The following RBFOX1 variants were observed in gnomAD, a reference collection of about 807,000 sequenced individuals.
RBFOX1 encodes RNA binding fox-1 homolog 1.
Under a neutral mutation model 57.7 loss-of-function variants are expected in RBFOX1, and 8 were observed. The observed-to-expected ratio is 0.14, with a 90% CI of 0.08 to 0.25. The LOEUF is 0.25. Ranked by LOEUF, RBFOX1 falls within the 10% of genes least tolerant of loss-of-function variation. RBFOX1 has a pLI of 1.00. For missense variants in RBFOX1, 611 were observed against 548.5 expected (o/e 1.11, Z -1.14); for synonymous variants, 326 against 222.4 (o/e 1.47, Z -4.15).
intron 1 of RBFOX1, among the ~76,000 whole-genome samples, chr16:6,068,672 G>C (rs777771302): frequency 1.6e-4 from 24 of 152,180 alleles, no homozygotes; most frequent in Non-Finnish European, 3.5e-4. Context: ...AGGCTGCAGA[G>C]GAAGGTCTTC....
chr16:5,765,532 G>A (rs1409673460), intron 3 of RBFOX1, among the ~76,000 whole-genome samples: 2 of 152,212 alleles, frequency 1.3e-5, no homozygotes, highest in East Asian at 1.9e-4. Flanking sequence ...CTAATTCATG[G>A]CTGAATACCT....
At chr16:6,830,499 C>G (rs1163039439) in intron 3 of RBFOX1, among the ~76,000 whole-genome samples, 2 of 152,110 alleles carry the variant, frequency 1.3e-5, no homozygotes, top group East Asian at 1.9e-4. Flanking sequence ...GCCAGGAGTT[C>G]TCAACTGAGA....
intron 4 of RBFOX1, among the ~76,000 whole-genome samples, chr16:7,392,279 C>T (rs961679432): frequency 6.6e-6 from 1 of 152,106 alleles, no homozygotes. Context: ...CCCTGTAGTC[C>T]CCTTGTATAG....
intron 2 of RBFOX1, chr16:6,484,003 C>G (rs914219132): frequency 3.1e-6 from 3 of 952,764 alleles, no homozygotes; most frequent in Admixed American, 5.4e-5. Flanking sequence ...GGTCTGGACA[C>G]TTGGAGAGGG....
At chr16:7,410,293 T>G (rs571365600) in intron 4 of RBFOX1, among the ~76,000 whole-genome samples, 1 of 152,236 alleles carries the variant, frequency 6.6e-6, no homozygotes, top group Non-Finnish European at 1.5e-5. Context: ...GATACTGTTA[T>G]TGCTCTCACT....
At chr16:6,845,154 T>G (rs565652258) in intron 3 of RBFOX1, among the ~76,000 whole-genome samples, 251 of 152,246 alleles carry the variant, frequency 1.6e-3, no homozygotes, top group African/African-American at 5.7e-3. Context: ...GGTAGTTTCT[T>G]TTTCTGCACA....
chr16:7,394,985 C>A (rs1389709132), intron 4 of RBFOX1, among the ~76,000 whole-genome samples: 1 of 152,064 alleles, frequency 6.6e-6, no homozygotes, highest in Non-Finnish European at 1.5e-5. Flanking sequence ...AGCCTGTGTA[C>A]GTGCTGAGGA....
intron 4 of RBFOX1, among the ~76,000 whole-genome samples, chr16:7,339,968 C>T (rs1031671055): frequency 1.3e-5 from 2 of 152,304 alleles, no homozygotes; most frequent in Middle Eastern, 3.4e-3. Flanking sequence ...TTCTTGGCAA[C>T]TCCAAGCTTA....
intron 3 of RBFOX1, among the ~76,000 whole-genome samples, chr16:6,707,712 T>G (rs2063013342): frequency 6.6e-6 from 1 of 152,196 alleles, no homozygotes; most frequent in Non-Finnish European, 1.5e-5. Context: ...CCTCCCAGTT[T>G]CTGCTCCATA....
intron 1 of RBFOX1, among the ~76,000 whole-genome samples, chr16:5,326,754 C>G (rs1407595990): frequency 6.6e-6 from 1 of 152,192 alleles, no homozygotes; most frequent in East Asian, 1.9e-4. Context: ...ATGATGATGT[C>G]TGGCAATGAA....
At chr16:5,876,042 G>T (rs1404730901) in intron 4 of RBFOX1, among the ~76,000 whole-genome samples, 2 of 151,892 alleles carry the variant, frequency 1.3e-5, no homozygotes, top group African/African-American at 2.4e-5. Context: ...AAGGGGTTTC[G>T]CCGTGTTAGC....
chr16:7,398,022 G>A lies in RBFOX1; in HGVS notation c.28-120125G>A, dbSNP rs185318873. On this transcript the variant is annotated intron_variant, in intron 4 of 15. Transcript: ENST00000550418. ...TCCCTTACGGCCGTTAGTGGATTAA[G>A]CGATATCCTCAGAGCAACTGTTTGG... Among the ~76,000 whole-genome samples the A allele has an allele frequency of 1.7e-3, 258 of 151,812 alleles. 3 individuals carry two copies. The highest frequency in any genetic ancestry group is 3.4e-3 in the Middle Eastern group (1 of 294).
chr16:5,498,808 A>G (rs2043090962), intron 2 of RBFOX1, among the ~76,000 whole-genome samples: 2 of 152,206 alleles, frequency 1.3e-5, no homozygotes, highest in Non-Finnish European at 2.9e-5. Flanking sequence ...CCCTGCACCC[A>G]TCACTCCCTC....
rs1033722950 is a variant in RBFOX1 at position 5,282,605 on chromosome 16, CAA to C, written c.219+42502_219+42503del. On this transcript the variant is annotated intron_variant, in intron 1 of 2. Transcript: ENST00000585867. The stretch of plus-strand genomic sequence containing the variant: ...AAAGGTGACTCCTATTATGTTTTAG[CAA>C]AGAGACTGGTGGCATTTTGCCCCTG... Among the ~76,000 whole-genome samples, 123 of 70,214 alleles carry C rather than the reference CAA, an allele frequency of 1.8e-3. 2 individuals carry two copies. The East Asian group carries it at 0.039, about 22-fold the overall frequency. The allele number at this position is 70,214 out of a possible 152,430, so 46.1% of individuals were successfully genotyped here.
intron 1 of RBFOX1, among the ~76,000 whole-genome samples, chr16:6,058,595 C>T (rs573306858): frequency 1.8e-4 from 28 of 151,980 alleles, no homozygotes; most frequent in East Asian, 7.8e-4. Flanking sequence ...TCTATCTACC[C>T]ACCCATCCAC....
At chr16:6,919,484 C>T (rs952795501) in intron 3 of RBFOX1, among the ~76,000 whole-genome samples, 1 of 151,794 alleles carries the variant, frequency 6.6e-6, no homozygotes, top group Non-Finnish European at 1.5e-5. Context: ...CAGCATCACA[C>T]ACTAATAAAG....
intron 4 of RBFOX1, among the ~76,000 whole-genome samples, chr16:7,092,934 G>T (rs563433863): frequency 4.9e-4 from 75 of 152,196 alleles, no homozygotes; most frequent in Middle Eastern, 3.4e-3. Context: ...TTCCAAGTTA[G>T]TTGACGCATT....
chr16:6,851,481 C>T lies in RBFOX1; in HGVS notation c.-16+196831C>T, dbSNP rs534707109. 9.2e-5 allele frequency among the ~76,000 whole-genome samples: 14 copies of T among 152,186 alleles called. No homozygotes were observed. In the South Asian group the frequency reaches 2.3e-3, roughly 25 times the overall value. ...TCAAAAAGTTTAATTTTTAAAATTCCTTCATATAACAACTTAGAGTTTGAA... is the reference window on the plus strand; with the variant it reads ...TCAAAAAGTTTAATTTTTAAAATTCTTTCATATAACAACTTAGAGTTTGAA... On this transcript the variant is annotated intron_variant, in intron 3 of 15. Transcript: ENST00000550418.
chr16:5,804,560 G>A (rs1470923992), intron 3 of RBFOX1, among the ~76,000 whole-genome samples: 1 of 152,154 alleles, frequency 6.6e-6, no homozygotes, highest in African/African-American at 2.4e-5. Flanking sequence ...CCAGGTATGA[G>A]TTGCATTCCA....
Sources: gnomAD v4.1 joint callset for allele counts (sites outside exome capture counted in the v4.1 genomes callset) on GRCh38, gnomAD v4.1.1 for gene constraint, MANE v1.5 for transcripts, NCBI Gene and HGNC (gene_info 2026-07-23, HGNC 2026-07-21) for gene names.